ENOX1: variants seen among roughly 807,000 people sequenced by gnomAD.
ENOX1 encodes candidate growth-related and time keeping constitutive hydroquinone (NADH) oxidase.
ENOX1 carries 42 observed loss-of-function variants against 82.5 expected under a neutral mutation model. The observed-to-expected ratio is 0.51, with a 90% CI of 0.40 to 0.66. ENOX1 has a LOEUF of 0.66. Among genes scored for constraint, ENOX1 ranks in the 30% least tolerant of loss-of-function variants. ENOX1 has a pLI of 0.00. For missense variants in ENOX1, 608 were observed against 811.6 expected (o/e 0.75, Z 3.05); for synonymous variants, 271 against 282.2 (o/e 0.96, Z 0.40).
chr13:43,744,870 T>C (rs1370832668), intron 1 of ENOX1, among the ~76,000 whole-genome samples: 2 of 152,194 alleles, frequency 1.3e-5, no homozygotes, highest in African/African-American at 2.4e-5. Flanking sequence ...ATGCACTGCA[T>C]AAATGGCTGT....
chr13:43,562,812 T>A (rs1000782378), intron 2 of ENOX1, among the ~76,000 whole-genome samples: 1 of 152,156 alleles, frequency 6.6e-6, no homozygotes, highest in Non-Finnish European at 1.5e-5. Context: ...CTTCATTATA[T>A]AATAATCTAT....
chr13:43,784,637 T>C (rs1952464533), intron 1 of ENOX1, among the ~76,000 whole-genome samples: 1 of 152,252 alleles, frequency 6.6e-6, no homozygotes, highest in South Asian at 2.1e-4. Context: ...CTCCATGGAA[T>C]AGCCTCATGT....
At chr13:43,433,246 G>A (rs150344606) in intron 3 of ENOX1, among the ~76,000 whole-genome samples, 1 of 152,078 alleles carries the variant, frequency 6.6e-6, no homozygotes, top group African/African-American at 2.4e-5. Flanking sequence ...CAAAACCTCA[G>A]GGGCATCCTT....
intron 12 of ENOX1, among the ~76,000 whole-genome samples, chr13:43,297,770 T>C (rs1000293831): frequency 2.6e-5 from 4 of 152,208 alleles, no homozygotes; most frequent in Non-Finnish European, 5.9e-5. Context: ...TCTGGCACTC[T>C]TCAACAAAAA....
At chr13:43,719,348 C>CACACACACACACACACA (rs2088400320) in intron 1 of ENOX1, among the ~76,000 whole-genome samples, 25 of 149,236 alleles carry the variant, frequency 1.7e-4, no homozygotes, top group African/African-American at 3.0e-4. Context: ...CACACACACA[C>CACACACACACACACACA]CAGCAATCGC....
At chr13:43,340,525 G>C (rs1344069199) in intron 9 of ENOX1, among the ~76,000 whole-genome samples, 1 of 152,228 alleles carries the variant, frequency 6.6e-6, no homozygotes, top group African/African-American at 2.4e-5. Context: ...GGTAAATACA[G>C]AGGTTGTTGG....
At chr13:43,228,277 T>C (rs1481975546) in intron 15 of ENOX1, among the ~76,000 whole-genome samples, 2 of 151,886 alleles carry the variant, frequency 1.3e-5, no homozygotes, top group East Asian at 1.9e-4. Context: ...TGGAGGGTGG[T>C]GGATTTAGCT....
chr13:43,699,802 TTC>T (rs1413727458), intron 1 of ENOX1, among the ~76,000 whole-genome samples: 1 of 152,200 alleles, frequency 6.6e-6, no homozygotes, highest in Non-Finnish European at 1.5e-5. Context: ...TTGGCTTATT[TTC>T]TCTCTTTTTT....
chr13:43,282,606 T>C (rs993330989), intron 12 of ENOX1, among the ~76,000 whole-genome samples: 5 of 151,856 alleles, frequency 3.3e-5, no homozygotes, highest in African/African-American at 1.2e-4. Flanking sequence ...AAATTTTTTA[T>C]AGAGACAGAG....
intron 5 of ENOX1, among the ~76,000 whole-genome samples, chr13:43,373,582 A>G (rs1306059888): frequency 6.6e-6 from 1 of 152,182 alleles, no homozygotes; most frequent in East Asian, 1.9e-4. Context: ...ACCCACACAC[A>G]TACACATACA....
At chr13:43,604,904 T>C (rs774804166) in intron 2 of ENOX1, among the ~76,000 whole-genome samples, 53 of 152,166 alleles carry the variant, frequency 3.5e-4, no homozygotes, top group Non-Finnish European at 6.8e-4. Flanking sequence ...AATGATAAAT[T>C]TCAGTAAAGT....
intron 1 of ENOX1, among the ~76,000 whole-genome samples, chr13:43,679,720 T>G (rs1037738787): frequency 6.6e-6 from 1 of 152,196 alleles, no homozygotes; most frequent in African/African-American, 2.4e-5. Flanking sequence ...AAGCTCCAGA[T>G]GATAGAACTG....
chr13:43,416,091 G>T (rs999066953), intron 3 of ENOX1, among the ~76,000 whole-genome samples: 3 of 145,068 alleles, frequency 2.1e-5, no homozygotes, highest in Non-Finnish European at 4.5e-5. Flanking sequence ...TCCCAGACGG[G>T]GCGGATGGGC....
At chr13:43,287,648 C>CCT (rs936777277) in intron 12 of ENOX1, among the ~76,000 whole-genome samples, 2 of 152,180 alleles carry the variant, frequency 1.3e-5, no homozygotes, top group African/African-American at 4.8e-5. Context: ...CATCTTATGA[C>CCT]CTCTGGTCAG....
At chr13:43,370,555 C>G (rs986737045) in intron 5 of ENOX1, among the ~76,000 whole-genome samples, 5 of 152,148 alleles carry the variant, frequency 3.3e-5, no homozygotes, top group African/African-American at 9.7e-5. Context: ...CCTGCTCCCT[C>G]TCACTCATTT....
At chr13:43,434,853 C>T (rs551306091) in intron 3 of ENOX1, among the ~76,000 whole-genome samples, 2 of 151,244 alleles carry the variant, frequency 1.3e-5, no homozygotes, top group Non-Finnish European at 2.9e-5. Flanking sequence ...AGCTTGTATC[C>T]ACTACTGAAC....
At chr13:43,547,387 T>C (rs2079017351) in intron 2 of ENOX1, 3 of 152,232 alleles carry the variant, frequency 2.0e-5, no homozygotes, top group African/African-American at 7.2e-5. Context: ...TGTGGAAGAA[T>C]GCACTAACTT....
At chr13:43,415,974 A>C (rs1311495508) in intron 3 of ENOX1, among the ~76,000 whole-genome samples, 17 of 141,234 alleles carry the variant, frequency 1.2e-4, no homozygotes, top group Non-Finnish European at 1.2e-4. Flanking sequence ...CACACCCCAG[A>C]CAGGGCGGCC....
chr13:43,368,034 A>G (rs2050963735), intron 5 of ENOX1, among the ~76,000 whole-genome samples: 1 of 152,252 alleles, frequency 6.6e-6, no homozygotes. Flanking sequence ...CACACAGATT[A>G]TGTTAACATA....
Sources: allele counts gnomAD v4.1 joint callset (sites outside exome capture counted in the v4.1 genomes callset), GRCh38; gene constraint gnomAD v4.1.1; transcripts MANE v1.5; gene names NCBI Gene and HGNC (gene_info 2026-07-23, HGNC 2026-07-21).